The following MEGF11 variants were observed in gnomAD, a reference collection of about 807,000 sequenced individuals.
MEGF11 encodes multiple EGF like domains 11.
In MEGF11, 126 loss-of-function variants were observed where a neutral mutation model predicts 146.6. The ratio of observed to expected loss-of-function variants is 0.86; its 90% CI spans 0.74 to 1.00. MEGF11 has a LOEUF of 1.00. MEGF11 is among the 50% of genes least tolerant of loss of function. The pLI, the probability that MEGF11 is intolerant of heterozygous loss-of-function variation, is 0.00. For missense variants in MEGF11, 1,509 were observed against 1,521.2 expected, an observed-to-expected ratio of 0.99 and a Z score of 0.13; for synonymous variants, 532 against 583.4, an observed-to-expected ratio of 0.91 and a Z score of 1.27.
At chr15:66,174,945 A>AT (rs954868234) in intron 1 of MEGF11, among the ~76,000 whole-genome samples, 12 of 152,016 alleles carry the variant, frequency 7.9e-5, no homozygotes, top group Non-Finnish European at 1.6e-4. Context: ...GCTCCTAAGT[A>AT]TTTTTTTGTA....
chr15:66,245,892 C>A (rs554083817), intron 1 of MEGF11, among the ~76,000 whole-genome samples: 1 of 152,312 alleles, frequency 6.6e-6, no homozygotes, highest in East Asian at 1.9e-4. Flanking sequence ...CATCACCCGG[C>A]ATGAGTTAGA....
chr15:65,965,646 G>A (rs892819422), intron 8 of MEGF11, among the ~76,000 whole-genome samples: 2 of 57,872 alleles, frequency 3.5e-5, no homozygotes, highest in East Asian at 3.5e-4. Context: ...TATTCTTTTC[G>A]CCCTCTGAGG....
intron 7 of MEGF11, among the ~76,000 whole-genome samples, chr15:65,978,841 C>T (rs55749436): frequency 0.11 from 16,934 of 152,186 alleles, 1,715 homozygotes; most frequent in East Asian, 0.59. Flanking sequence ...TGGATTCTAG[C>T]TCCACCTCAC....
In MEGF11 at chr15:66,087,309, C is replaced by T. The variant is rs145452966; in HGVS notation, c.394+7093G>A. Among the ~76,000 whole-genome samples, 17 of 152,294 alleles carry T rather than the reference C, an allele frequency of 1.1e-4. No homozygotes were observed. In the East Asian group the frequency reaches 3.1e-3, roughly 28 times the overall value. The stretch of plus-strand genomic sequence containing the variant: ...AAAAAACCATGGATTTAAACTACTT[C>T]CCAGAACAAATGGACTTAACAGGTA... On this transcript the variant is annotated intron_variant, in intron 5 of 25. Coordinates refer to ENST00000395614, the MANE Select transcript of MEGF11 (RefSeq NM_001385028.1).
chr15:66,248,930 C>T (rs975496858), intron 1 of MEGF11, among the ~76,000 whole-genome samples: 10 of 152,148 alleles, frequency 6.6e-5, no homozygotes, highest in Admixed American at 2.6e-4. Context: ...ATAAAATAAT[C>T]GATAAATAGA....
chr15:66,107,061 C>CA (rs57803732), intron 4 of MEGF11, among the ~76,000 whole-genome samples: 4 of 88,474 alleles, frequency 4.5e-5, no homozygotes, highest in Non-Finnish European at 9.6e-5. Context: ...CCTACCCCCC[C>CA]ACCAGGTATA....
chr15:66,032,054 G>C (rs1412501675), intron 5 of MEGF11, among the ~76,000 whole-genome samples: 1 of 152,216 alleles, frequency 6.6e-6, no homozygotes, highest in African/African-American at 2.4e-5. Flanking sequence ...TAGGTTGCAA[G>C]CTCCTTATGA....
chr15:65,950,808 G>A (rs1203753285), intron 10 of MEGF11, among the ~76,000 whole-genome samples: 3 of 152,190 alleles, frequency 2.0e-5, no homozygotes, highest in Non-Finnish European at 4.4e-5. Context: ...ATCTGGAGAT[G>A]GTGTGTCAGG....
intron 1 of MEGF11, among the ~76,000 whole-genome samples, chr15:66,184,056 C>T (rs2090627322): frequency 6.6e-6 from 1 of 152,072 alleles, no homozygotes; most frequent in African/African-American, 2.4e-5. Flanking sequence ...AAAGGCAGAT[C>T]AGTGGGTGCC....
chr15:66,099,603 G>C (rs560115149), intron 4 of MEGF11, among the ~76,000 whole-genome samples: 45 of 152,232 alleles, frequency 3.0e-4, no homozygotes, highest in African/African-American at 9.6e-4. Context: ...CAACCTCTCT[G>C]GTCCTGTTTC....
At chr15:65,996,794 C>T (rs960425999) in intron 5 of MEGF11, among the ~76,000 whole-genome samples, 6 of 152,156 alleles carry the variant, frequency 3.9e-5, no homozygotes, top group African/African-American at 1.4e-4. Context: ...TACTTTTGAG[C>T]TTCCACAGCA....
chr15:65,905,945 C>T (rs879128402), intron 24 of MEGF11, 140 bp downstream of exon 24: 4 of 582,366 alleles, frequency 6.9e-6, no homozygotes, highest in South Asian at 2.8e-5. Context: ...CCCAACAGCC[C>T]CAGGCCCTGT....
chr15:65,923,036 AG>A (rs983864834), intron 13 of MEGF11, 67 bp from the exon 14 acceptor site: 2 of 1,547,172 alleles, frequency 1.3e-6, no homozygotes, highest in Admixed American at 1.9e-5. Context: ...AATGGAGGGA[AG>A]GGGGACAGTG....
At chr15:65,963,773 C>G (rs1053211073) in intron 9 of MEGF11, among the ~76,000 whole-genome samples, 8 of 152,342 alleles carry the variant, frequency 5.3e-5, no homozygotes, top group African/African-American at 1.9e-4. Context: ...CCTCACACCA[C>G]CCCAGCTGCT....
intron 5 of MEGF11, among the ~76,000 whole-genome samples, chr15:65,998,655 G>C (rs529808839): frequency 1.3e-5 from 2 of 152,192 alleles, no homozygotes; most frequent in African/African-American, 2.4e-5. Flanking sequence ...GGCAGGTCAC[G>C]GTGGTGGTGG....
At chr15:66,059,012 T>C (rs2084792093) in intron 5 of MEGF11, among the ~76,000 whole-genome samples, 1 of 152,130 alleles carries the variant, frequency 6.6e-6, no homozygotes, top group Admixed American at 6.5e-5. Context: ...ATCCTTCCCC[T>C]GCTAGGAGTC....
chr15:66,037,448 G>A (rs2083767717), intron 5 of MEGF11, among the ~76,000 whole-genome samples: 1 of 152,220 alleles, frequency 6.6e-6, no homozygotes, highest in African/African-American at 2.4e-5. Flanking sequence ...AGTTTCCTTA[G>A]CTGTAGATAA....
intron 4 of MEGF11, among the ~76,000 whole-genome samples, chr15:66,094,870 G>A (rs891870036): frequency 6.6e-6 from 1 of 152,052 alleles, no homozygotes; most frequent in African/African-American, 2.4e-5. Flanking sequence ...TCTGTCCCTT[G>A]TATCTTCTGC....
At chr15:65,905,662 A>C (rs577363563) in intron 24 of MEGF11, 7 of 159,390 alleles carry the variant, frequency 4.4e-5, no homozygotes, top group Admixed American at 2.6e-4. Context: ...TATCATTTTC[A>C]TTCCTTGTGC....
Sources: gnomAD v4.1 joint callset for allele counts (sites outside exome capture counted in the v4.1 genomes callset) on GRCh38, gnomAD v4.1.1 for gene constraint, MANE v1.5 for transcripts, NCBI Gene and HGNC (gene_info 2026-07-23, HGNC 2026-07-21) for gene names.